Variants in CDK14 observed in about 807,000 individuals in gnomAD.
The protein encoded by CDK14 is cyclin-dependent kinase 14.
In CDK14, 34 loss-of-function variants were observed where a neutral mutation model predicts 60.7. The ratio of observed to expected loss-of-function variants is 0.56; its 90% CI spans 0.43 to 0.75. The LOEUF is 0.75. Among genes scored for constraint, CDK14 ranks in the 30% least tolerant of loss-of-function variants. The pLI, the probability that CDK14 is intolerant of heterozygous loss-of-function variation, is 0.00. For missense variants in CDK14, 482 were observed against 564.1 expected (o/e 0.85, Z 1.47); for synonymous variants, 197 against 203.7 (o/e 0.97, Z 0.28).
chr7:90,666,454 G>T (rs924276515), intron 2 of CDK14: 1 of 152,208 alleles, frequency 6.6e-6, no homozygotes, highest in Admixed American at 6.5e-5. Context: ...TTTCCCGAAT[G>T]AGACATACTA....
intron 2 of CDK14, among the ~76,000 whole-genome samples, chr7:90,637,781 T>C (rs1368266360): frequency 1.1e-5 from 1 of 94,330 alleles, no homozygotes; most frequent in Non-Finnish European, 2.1e-5. Flanking sequence ...AGTCTCTTTG[T>C]AGGTCCTAAG....
intron 5 of CDK14, among the ~76,000 whole-genome samples, chr7:90,861,454 G>A (rs1471993234): frequency 6.6e-6 from 1 of 152,156 alleles, no homozygotes; most frequent in African/African-American, 2.4e-5. Context: ...CAGTACAGGG[G>A]TGTGGAGGAC....
intron 6 of CDK14, among the ~76,000 whole-genome samples, chr7:90,898,576 A>G (rs532748749): frequency 1.3e-3 from 203 of 152,220 alleles, no homozygotes; most frequent in South Asian, 2.9e-3. Context: ...TAGTAACTAC[A>G]TGCTTTTAAA....
At chr7:90,840,030 G>A (rs1790239263) in intron 5 of CDK14, among the ~76,000 whole-genome samples, 1 of 152,150 alleles carries the variant, frequency 6.6e-6, no homozygotes, top group African/African-American at 2.4e-5. Context: ...TAAACTTTGG[G>A]ATGATGGGAT....
At chr7:91,077,736 AC>A (rs1032756316) in intron 11 of CDK14, among the ~76,000 whole-genome samples, 2 of 97,288 alleles carry the variant, frequency 2.1e-5, no homozygotes, top group African/African-American at 9.0e-5. Context: ...TACTTATTTC[AC>A]TTTTATACAC....
intron 9 of CDK14, among the ~76,000 whole-genome samples, chr7:90,969,106 A>C (rs920065042): frequency 6.6e-5 from 10 of 152,224 alleles, no homozygotes; most frequent in African/African-American, 2.4e-4. Context: ...AGAAGCCCAC[A>C]GACTTCACCA....
chr7:91,180,473 C>T (rs1179304710), intron 14 of CDK14, among the ~76,000 whole-genome samples: 1 of 150,308 alleles, frequency 6.7e-6, no homozygotes, highest in African/African-American at 2.5e-5. Context: ...CAAGTATACA[C>T]ATACATGCAT....
chr7:90,890,840 A>G (rs1792098282), intron 6 of CDK14, among the ~76,000 whole-genome samples: 2 of 152,246 alleles, frequency 1.3e-5, no homozygotes, highest in African/African-American at 4.8e-5. Context: ...TAGCAGTAAC[A>G]GTTTCCCAAT....
intron 12 of CDK14, among the ~76,000 whole-genome samples, chr7:91,108,990 T>C (rs930156021): frequency 6.6e-6 from 1 of 152,184 alleles, no homozygotes; most frequent in Non-Finnish European, 1.5e-5. Flanking sequence ...TTAGTAAATA[T>C]TTTTTAAGGT....
intron 2 of CDK14, 32 bp from the exon 3 acceptor site, chr7:90,726,535 A>G (rs1387889021): frequency 6.2e-7 from 1 of 1,604,864 alleles, no homozygotes. Context: ...GTTGCAGTGA[A>G]GAGTTCTGAA....
intron 8 of CDK14, among the ~76,000 whole-genome samples, chr7:90,928,111 C>T (rs1393162864): frequency 2.0e-5 from 3 of 152,070 alleles, no homozygotes; most frequent in African/African-American, 2.4e-5. Flanking sequence ...GTTAGCCATT[C>T]GTCTAATCTT....
intron 9 of CDK14, 22 bp downstream of exon 9, chr7:90,955,839 CTAGCTAATCTA>C (rs1562844018): frequency 6.2e-7 from 1 of 1,611,118 alleles, no homozygotes; most frequent in Non-Finnish European, 8.5e-7. Flanking sequence ...AAGCTTTACT[CTAGCTAATCTA>C]TCTGTAGTGC....
chr7:90,819,089 A>G (rs189364525), intron 5 of CDK14, among the ~76,000 whole-genome samples: 72 of 152,174 alleles, frequency 4.7e-4, no homozygotes, highest in African/African-American at 1.4e-3. Context: ...AAGTACAGTG[A>G]TATATTGTTT....
chr7:90,970,826 A>T (rs1343088844), intron 9 of CDK14, among the ~76,000 whole-genome samples: 1 of 152,124 alleles, frequency 6.6e-6, no homozygotes, highest in African/African-American at 2.4e-5. Flanking sequence ...TTAGTGTTTA[A>T]TTTCATAGGA....
At chr7:91,056,323 A>G (rs924367423) in intron 11 of CDK14, among the ~76,000 whole-genome samples, 1 of 151,388 alleles carries the variant, frequency 6.6e-6, no homozygotes, top group Non-Finnish European at 1.5e-5. Flanking sequence ...TTTCTCTCTT[A>G]GGTGCCTGGA....
At chr7:90,733,635 T>C (rs1288343771) in intron 3 of CDK14, among the ~76,000 whole-genome samples, 1 of 152,128 alleles carries the variant, frequency 6.6e-6, no homozygotes, top group Non-Finnish European at 1.5e-5. Flanking sequence ...GTGCAACCCT[T>C]GCTTTTGTTG....
intron 4 of CDK14, among the ~76,000 whole-genome samples, chr7:90,773,254 T>G (rs1449661463): frequency 6.6e-6 from 1 of 152,208 alleles, no homozygotes; most frequent in East Asian, 1.9e-4. Flanking sequence ...TGGTTCATGC[T>G]TTAATTATTG....
At chr7:90,847,548 G>A (rs1790508561) in intron 5 of CDK14, among the ~76,000 whole-genome samples, 1 of 152,056 alleles carries the variant, frequency 6.6e-6, no homozygotes, top group African/African-American at 2.4e-5. Context: ...TTCATAGCTT[G>A]AGTACATCCA....
Position 90,621,647 on chromosome 7 carries a change from T to TCCTGCCTTCCTG in CDK14, c.123+17401_123+17402insGCCTTCCTGCCT, listed in dbSNP as rs763125461. On this transcript the variant is annotated intron_variant, in intron 2 of 14. Coordinates refer to ENST00000380050, the MANE Select transcript of CDK14 (RefSeq NM_001287135.2). ...TTCCTTCCTTCCTTCCTTCCTTCCT[T>TCCTGCCTTCCTG]CCTTCCTTCCTTCCTTCCTTCCTGC... Among the ~76,000 whole-genome samples the TCCTGCCTTCCTG allele has an allele frequency of 5.1e-3, 374 of 72,738 alleles. 2 individuals are homozygous for TCCTGCCTTCCTG. The highest frequency in any genetic ancestry group is 0.024 in the East Asian group (28 of 1,156). The allele number at this position is 72,738 out of a possible 152,430, so 47.7% of individuals were successfully genotyped here.
Sources: gnomAD v4.1 joint callset for allele counts (sites outside exome capture counted in the v4.1 genomes callset) on GRCh38, gnomAD v4.1.1 for gene constraint, MANE v1.5 for transcripts, NCBI Gene and HGNC (gene_info 2026-07-23, HGNC 2026-07-21) for gene names.